The following MAN2A2 variants were observed in gnomAD, a reference collection of about 807,000 sequenced individuals.
The protein encoded by MAN2A2 is mannosidase alpha class 2A member 2.
In MAN2A2, 79 loss-of-function variants were observed where a neutral mutation model predicts 126.8. That is an observed-to-expected ratio of 0.62 (90% CI 0.52 to 0.75). MAN2A2 has a LOEUF of 0.75. Ranked by LOEUF, MAN2A2 falls within the 30% of genes least tolerant of loss-of-function variation. The probability of loss-of-function intolerance (pLI) is 0.00; values close to 1 mark genes in which losing one functional copy is unlikely to be tolerated. For missense variants in MAN2A2, 1,392 were observed against 1,522.4 expected (o/e 0.91, Z 1.43); for synonymous variants, 671 against 618.7 (o/e 1.08, Z -1.25).
In MAN2A2 at chr15:90,912,632, G is replaced by A. The variant is rs1466200724; in HGVS notation, c.2437G>A (p.Ala813Thr). The A allele has an allele frequency of 1.2e-6, 2 of 1,614,186 alleles. No homozygotes were observed. The highest frequency in any genetic ancestry group is 8.5e-7 in the Non-Finnish European group (1 of 1,180,020). Reference protein sequence around the residue: ...GTRTSKDKSGAYLFLPDGEAK... With the variant: ...GTRTSKDKSGTYLFLPDGEAK... ...CCGTACGTCCAAAGACAAGAGTGGA[G>A]CCTACCTCTTCCTGCCCGATGGCGA... Residue 813 changes from alanine to threonine, a missense_variant, in exon 16 of 23, where the codon GCC becomes ACC. Transcript: ENST00000559717.
In MAN2A2 at chr15:90,910,542, G is replaced by A. The variant is rs373291682; in HGVS notation, c.1619G>A (p.Arg540His). The part of the protein sequence containing the change: ...VLYSLAAAHA[R>H]RSGLAGRYPL... ...TACAGCCTGGCTGCAGCTCACGCTC[G>A]CCGCTCTGGTCTGGCTGGCCGGTAC... Residue 540 changes from arginine to histidine, a missense_variant, in exon 11 of 23, where the codon CGC (arginine) becomes CAC (histidine). Physicochemically the swap from Arg to His is conservative, Grantham distance 29. Transcript: ENST00000559717. 26 of 1,613,938 alleles carry A rather than the reference G, an allele frequency of 1.6e-5. No individual in the cohort carries two copies. Among genetic ancestry groups the A allele is most frequent in the African/African-American group, 1.5e-4 (11 of 74,922 alleles).
rs963920905 is a variant in MAN2A2, at chr15:90,912,895, C to G, written c.2488C>G (p.Pro830Ala). The G allele has an allele frequency of 6.2e-7, 1 of 1,613,334 alleles. No individual in the cohort carries two copies. The highest frequency in any genetic ancestry group is 1.3e-5 in the African/African-American group (1 of 74,886). ...TCTCTAGCCCTACGTCCCCAAGGAG[C>G]CCCCCGTGCTGCGTGTCACTGAAGG... ...GEAKPYVPKE[P>A]PVLRVTEGPF... The change falls in exon 17 of 23, where the codon CCC becomes GCC. Residue 830 changes from proline (P) to alanine (A), a missense_variant. Pro to Ala is a conservative substitution (Grantham distance 27). Transcript: ENST00000559717.
rs780194106 is a variant in MAN2A2 at position 90,905,325 on chromosome 15, C to T, written c.207C>T (p.Ser69=). 6.2e-7 allele frequency: 1 copy of T among 1,613,928 alleles called. No individual in the cohort carries two copies. Among genetic ancestry groups the T allele is most frequent in the Non-Finnish European group, 8.5e-7 (1 of 1,180,042 alleles). The change falls in exon 3 of 23, where the codon AGC becomes AGT. Residue 69 remains serine, a synonymous_variant. Transcript: ENST00000559717. ...TGGAGGAGAACCATGAGATTATCAGCCATATCAAGGACTCCGTGCTGGAGC... is the reference window on the plus strand; with the variant it reads ...TGGAGGAGAACCATGAGATTATCAGTCATATCAAGGACTCCGTGCTGGAGC... ...QLLEENHEII[S]HIKDSVLELT... is the part of the protein sequence containing the mutation.
intron 20 of MAN2A2, 97 bp downstream of exon 20, chr15:90,916,353 T>A: frequency 6.9e-7 from 1 of 1,457,854 alleles, no homozygotes; most frequent in South Asian, 1.3e-5. Flanking sequence ...TAGTTGGAGG[T>A]GGGCAAGAGA....
upstream of MAN2A2, chr15:90,902,626 A>T (rs563396403): frequency 1.2e-4 from 18 of 152,008 alleles, no homozygotes; most frequent in African/African-American, 4.3e-4. Flanking sequence ...AGCCCAGCGG[A>T]GCGGGCCCGG....
At position 90,911,368 on chromosome 15, in the gene MAN2A2, C is replaced by G. The variant is rs2034721779; in HGVS notation, c.1944-17C>G. ...GGAAGCAGCAGCCTCCTGGGTCAGC[C>G]CACCTTCTACGCACAGGTTTGTGGT... On this transcript the variant is annotated splice_polypyrimidine_tract_variant and intron_variant, in intron 13 of 22. Transcript: ENST00000559717. 1.2e-6 allele frequency: 2 copies of G among 1,613,822 alleles called. No individual in the cohort carries two copies. Among genetic ancestry groups the G allele is most frequent in the South Asian group, 1.1e-5 (1 of 91,078 alleles).
chr15:90,913,502 T>A (rs1378827315), intron 18 of MAN2A2, 96 bp downstream of exon 18: 1 of 1,564,350 alleles, frequency 6.4e-7, no homozygotes, highest in African/African-American at 1.4e-5. Context: ...TCTGCCCTGA[T>A]GGAGAAAGAT....
chr15:90,916,518 C>T (rs943481197), intron 20 of MAN2A2: 4 of 1,386,038 alleles, frequency 2.9e-6, no homozygotes, highest in Non-Finnish European at 3.9e-6. Flanking sequence ...CCTCCTCTGC[C>T]CTGTCCCAGC....
chr15:90,909,846 A>C (rs949445883), intron 9 of MAN2A2, among the ~76,000 whole-genome samples: 16 of 151,658 alleles, frequency 1.1e-4, no homozygotes, highest in African/African-American at 3.6e-4. Flanking sequence ...TTCGTGATCC[A>C]CTCGCCTCGG....
In MAN2A2 at chr15:90,922,154, CAG is replaced by C. The variant is rs1027333197; in HGVS notation, c.*2369_*2370del. On this transcript the variant is annotated 3_prime_UTR_variant, in exon 23 of 23. Coordinates refer to ENST00000559717, the MANE Select transcript of MAN2A2 (RefSeq NM_006122.4). ...AACATCAAGGTTAAAACACAAATGA[CAG>C]ATATGGAAGAAAATATTTGCAGCAC... is the stretch of plus-strand genomic sequence containing the variant. The C allele has an allele frequency of 6.6e-6, 1 of 152,086 alleles. No homozygotes were observed. Among genetic ancestry groups the C allele is most frequent in the African/African-American group, 2.4e-5 (1 of 41,394 alleles). The allele number at this position is 152,086 out of a possible 1,614,324, so 9.4% of individuals were successfully genotyped here.
intron 18 of MAN2A2, 48 bp from the exon 19 acceptor site, chr15:90,913,566 C>G (rs2034938982): frequency 6.3e-7 from 1 of 1,584,804 alleles, no homozygotes; most frequent in Non-Finnish European, 8.6e-7. Flanking sequence ...ACCGCTTGGG[C>G]CCACATGGTG....
Position 90,909,393 on chromosome 15 carries a change from G to A in MAN2A2, c.1263G>A (p.Val421=). ...TGTTCCGAAGCAACGTCCTCCTGGT[G>A]CCTCTTGGAGATGACTTCCGATATG... ...SQLFRSNVLL[V]PLGDDFRYDK... is the part of the protein sequence containing the mutation. The change falls in exon 9 of 23, where the codon GTG becomes GTA. Residue 421 remains valine (V), a synonymous_variant. Transcript: ENST00000559717. 1 of 1,614,116 alleles carries A rather than the reference G, an allele frequency of 6.2e-7. No homozygotes were observed. The highest frequency in any genetic ancestry group is 8.5e-7 in the Non-Finnish European group (1 of 1,179,978).
At position 90,905,627 on chromosome 15, in the gene MAN2A2, G is replaced by T. The variant is rs1419621514; in HGVS notation, c.439G>T (p.Val147Leu). ...ELPFDNVDGG[V>L]WRQGFDISYD... Reference sequence around the variant, plus strand: ...GCCGTTTGACAACGTGGATGGTGGTGTGTGGAGGCAAGGCTTCGACATCTC... The same window carrying T: ...GCCGTTTGACAACGTGGATGGTGGTTTGTGGAGGCAAGGCTTCGACATCTC... The change falls in exon 4 of 23, where the codon GTG becomes TTG. Residue 147 changes from valine to leucine, a missense_variant. Coordinates refer to ENST00000559717, the MANE Select transcript of MAN2A2 (RefSeq NM_006122.4). 1 of 1,614,104 alleles carries T rather than the reference G, an allele frequency of 6.2e-7. No homozygotes were observed. Among genetic ancestry groups the T allele is most frequent in the Non-Finnish European group, 8.5e-7 (1 of 1,180,046 alleles).
chr15:90,916,424 TCA>T, intron 20 of MAN2A2, 168 bp downstream of exon 20: 1 of 1,101,354 alleles, frequency 9.1e-7, no homozygotes, highest in Non-Finnish European at 1.3e-6. Flanking sequence ...GTGTCCCATC[TCA>T]CGCAGCCTGG....
chr15:90,913,213 C>G, intron 17 of MAN2A2, 60 bp from the exon 18 acceptor site: 1 of 1,588,292 alleles, frequency 6.3e-7, no homozygotes, highest in South Asian at 1.1e-5. Flanking sequence ...CCCAGCCCAG[C>G]CTCTTAGCTG....
intron 20 of MAN2A2, among the ~76,000 whole-genome samples, chr15:90,917,464 G>A (rs1293881129): frequency 6.6e-6 from 1 of 152,238 alleles, no homozygotes; most frequent in Non-Finnish European, 1.5e-5. Context: ...TGGGAAGGGA[G>A]ACTGGAGGAG....
intron 12 of MAN2A2, 58 bp from the exon 13 acceptor site, chr15:90,911,113 G>T (rs1053786392): frequency 2.9e-5 from 45 of 1,575,668 alleles, no homozygotes; most frequent in Non-Finnish European, 3.7e-5. Flanking sequence ...TGGGACAGGT[G>T]GGGTGGGAGG....
chr15:90,907,564 C>T (rs1052336720), intron 8 of MAN2A2, 69 bp downstream of exon 8: 25 of 1,479,886 alleles, frequency 1.7e-5, no homozygotes, highest in African/African-American at 6.9e-5. Flanking sequence ...GGCCGTGCCA[C>T]GTGGAGGGTG....
At position 90,906,063 on chromosome 15, in the gene MAN2A2, G is replaced by C. The variant is rs779817556; in HGVS notation, c.707+47G>C. On this transcript the variant is annotated intron_variant, in intron 5 of 22. Transcript: ENST00000559717. ...ATGGGAGGGCATTGTCTGAGCCCCAGGCTGGGTGGACGGGTCTTACCTTAA... is the reference window on the plus strand; with the variant it reads ...ATGGGAGGGCATTGTCTGAGCCCCACGCTGGGTGGACGGGTCTTACCTTAA... The C allele has an allele frequency of 1.9e-6, 3 of 1,610,648 alleles. No individual in the cohort carries two copies. The South Asian group carries it at 3.3e-5, about 18-fold the overall frequency.
Sources: gnomAD v4.1 joint callset for allele counts (sites outside exome capture counted in the v4.1 genomes callset) on GRCh38, gnomAD v4.1.1 for gene constraint, MANE v1.5 for transcripts, NCBI Gene and HGNC (gene_info 2026-07-23, HGNC 2026-07-21) for gene names.